Variants in DLG2 observed in about 807,000 individuals in gnomAD.
The protein encoded by DLG2 is discs large MAGUK scaffold protein 2, also known as disks large homolog 2.
A neutral mutation model predicts 132.5 loss-of-function variants in DLG2; 45 were observed. The observed-to-expected ratio is 0.34, with a 90% CI of 0.27 to 0.44. DLG2 has a LOEUF of 0.44. DLG2 is among the 20% of genes least tolerant of loss of function. The pLI, the probability that DLG2 is intolerant of heterozygous loss-of-function variation, is 1.00. For missense variants in DLG2, 1,045 were observed against 1,196.9 expected (o/e 0.87, Z 1.87); for synonymous variants, 424 against 419.6 (o/e 1.01, Z -0.13).
intron 18 of DLG2, among the ~76,000 whole-genome samples, chr11:83,715,703 C>G (rs2086534212): frequency 6.6e-6 from 1 of 152,212 alleles, no homozygotes; most frequent in Non-Finnish European, 1.5e-5. Context: ...TGATCCTTCT[C>G]TGATTCAGGT....
intron 16 of DLG2, 97 bp from the exon 17 acceptor site, chr11:83,833,867 T>C (rs905959197): frequency 1.4e-5 from 18 of 1,251,748 alleles, no homozygotes; most frequent in Non-Finnish European, 1.7e-5. Context: ...AGCAACTCAC[T>C]ACTTGTAAAA....
chr11:84,273,222 A>G, intron 7 of DLG2: 2 of 1,568,722 alleles, frequency 1.3e-6, no homozygotes, highest in Non-Finnish European at 1.7e-6. Context: ...AAAAGCTGAT[A>G]ATTCTCAGCC....
chr11:84,287,741 GACACACACACACACACACACAC>G (rs373708341), intron 7 of DLG2, among the ~76,000 whole-genome samples: 3 of 139,190 alleles, frequency 2.2e-5, no homozygotes, highest in Non-Finnish European at 4.6e-5. Context: ...CTCTCTCTTA[GACACACACACACACACACACAC>G]ACACACACAC....
At chr11:83,477,057 G>T (rs2092679608) in intron 22 of DLG2, among the ~76,000 whole-genome samples, 1 of 152,066 alleles carries the variant, frequency 6.6e-6, no homozygotes, top group Non-Finnish European at 1.5e-5. Flanking sequence ...CAAGATCCTT[G>T]TTTTGAAAAT....
chr11:84,718,830 T>G (rs2061494943), intron 6 of DLG2, among the ~76,000 whole-genome samples: 1 of 152,188 alleles, frequency 6.6e-6, no homozygotes, highest in African/African-American at 2.4e-5. Flanking sequence ...TTCCTGACAG[T>G]GATGAACACA....
intron 6 of DLG2, among the ~76,000 whole-genome samples, chr11:84,732,644 T>A (rs933723158): frequency 1.3e-5 from 2 of 151,608 alleles, no homozygotes; most frequent in African/African-American, 4.8e-5. Context: ...TGTATATATA[T>A]AAATATATAT....
At chr11:84,231,651 C>T (rs1351452234) in intron 8 of DLG2, among the ~76,000 whole-genome samples, 1 of 151,984 alleles carries the variant, frequency 6.6e-6, no homozygotes, top group African/African-American at 2.4e-5. Context: ...AGATAAGGCA[C>T]CAGTAAAAAC....
chr11:84,459,064 G>A (rs1262560940), intron 7 of DLG2, among the ~76,000 whole-genome samples: 2 of 150,574 alleles, frequency 1.3e-5, no homozygotes, highest in Admixed American at 1.3e-4. Context: ...CAGTCCCTAA[G>A]CCTGCACTCT....
intron 17 of DLG2, among the ~76,000 whole-genome samples, chr11:83,830,763 C>T (rs563046041): frequency 1.3e-5 from 2 of 152,292 alleles, no homozygotes; most frequent in Non-Finnish European, 2.9e-5. Context: ...GATCATTTAG[C>T]CTCTCCAAAT....
At chr11:85,170,602 C>T (rs2078787089) in intron 4 of DLG2, among the ~76,000 whole-genome samples, 2 of 152,034 alleles carry the variant, frequency 1.3e-5, no homozygotes, top group South Asian at 4.2e-4. Context: ...TGTTCTGAGC[C>T]CAACACTACA....
At chr11:85,624,438 AG>A (rs1359292708) in intron 2 of DLG2, among the ~76,000 whole-genome samples, 25 of 152,352 alleles carry the variant, frequency 1.6e-4, no homozygotes, top group African/African-American at 4.6e-4. Context: ...CAGTGAGGAT[AG>A]TTATTGTTTA....
At chr11:84,303,652 C>T (rs1164754372) in intron 7 of DLG2, among the ~76,000 whole-genome samples, 1 of 152,174 alleles carries the variant, frequency 6.6e-6, no homozygotes, top group African/African-American at 2.4e-5. Flanking sequence ...TAGTATGACC[C>T]ACTTGAATAT....
At chr11:85,087,619 A>G (rs1330597813) in intron 6 of DLG2, among the ~76,000 whole-genome samples, 1 of 151,640 alleles carries the variant, frequency 6.6e-6, no homozygotes, top group East Asian at 1.9e-4. Context: ...CGGGTGGATC[A>G]TGAGGTCAGG....
intron 2 of DLG2, among the ~76,000 whole-genome samples, chr11:85,613,028 T>C (rs940803258): frequency 6.6e-6 from 1 of 152,100 alleles, no homozygotes; most frequent in Non-Finnish European, 1.5e-5. Flanking sequence ...TACTAACCAG[T>C]CAGGGATAGT....
chr11:85,105,056 G>C (rs2071515832), intron 6 of DLG2, among the ~76,000 whole-genome samples: 1 of 151,808 alleles, frequency 6.6e-6, no homozygotes, highest in South Asian at 2.1e-4. Flanking sequence ...TTTACCGTGT[G>C]CCTATCCACT....
chr11:84,937,188 C>T (rs2154094830), intron 6 of DLG2, among the ~76,000 whole-genome samples: 1 of 152,202 alleles, frequency 6.6e-6, no homozygotes. Context: ...ATCTAGATAA[C>T]TGTTAGATAA....
At chr11:83,914,225 G>C (rs2076546761) in intron 15 of DLG2, among the ~76,000 whole-genome samples, 1 of 152,000 alleles carries the variant, frequency 6.6e-6, no homozygotes, top group South Asian at 2.1e-4. Context: ...TTCACTGTTA[G>C]TTCCTGCAAG....
At chr11:85,417,870 T>G (rs2089994188) in intron 3 of DLG2, among the ~76,000 whole-genome samples, 1 of 151,950 alleles carries the variant, frequency 6.6e-6, no homozygotes, top group Admixed American at 6.6e-5. Flanking sequence ...CTATCTATTT[T>G]GTTGAACAAA....
chr11:85,556,071 A>C (rs561568973), intron 3 of DLG2, among the ~76,000 whole-genome samples: 40 of 151,538 alleles, frequency 2.6e-4, no homozygotes, highest in African/African-American at 9.2e-4. Context: ...CTGAGCATGG[A>C]AGGGAAGCTT....
Sources: allele counts gnomAD v4.1 joint callset (sites outside exome capture counted in the v4.1 genomes callset), GRCh38; gene constraint gnomAD v4.1.1; transcripts MANE v1.5; gene names NCBI Gene and HGNC (gene_info 2026-07-23, HGNC 2026-07-21).